Variants in SLF1 observed in about 807,000 individuals in gnomAD.
SLF1 encodes SMC5/6 complex localization factor 1, also known as SMC5-SMC6 complex localization factor protein 1.
A neutral mutation model predicts 123.0 loss-of-function variants in SLF1; 105 were observed. That is an observed-to-expected ratio of 0.85 (90% confidence interval 0.73 to 1.00). SLF1 has a LOEUF of 1.00. Ranked by LOEUF, SLF1 falls within the 50% of genes least tolerant of loss-of-function variation. SLF1 has a pLI of 0.00. For missense variants in SLF1, 1,239 were observed against 1,223.0 expected, an observed-to-expected ratio of 1.01 and a Z score of -0.20; for synonymous variants, 434 against 406.6, an observed-to-expected ratio of 1.07 and a Z score of -0.81.
intron 4 of SLF1, among the ~76,000 whole-genome samples, chr5:94,636,851 G>A (rs760958363): frequency 1.3e-5 from 2 of 151,364 alleles, no homozygotes; most frequent in Non-Finnish European, 2.9e-5. Flanking sequence ...CCAAGTAGCT[G>A]GGACTACAGG....
At chr5:94,686,469 A>C in intron 15 of SLF1, 104 bp from the exon 16 acceptor site, 1 of 1,232,188 alleles carries the variant, frequency 8.1e-7, no homozygotes, top group Non-Finnish European at 1.1e-6. Context: ...TTATAGGTGT[A>C]AGAGCTCTCA....
chr5:94,649,253 T>C (rs1229502472), intron 5 of SLF1, among the ~76,000 whole-genome samples: 1 of 152,200 alleles, frequency 6.6e-6, no homozygotes, highest in Non-Finnish European at 1.5e-5. Context: ...AGAAATCACT[T>C]TATTATTCAG....
intron 4 of SLF1, among the ~76,000 whole-genome samples, chr5:94,642,404 G>A (rs772967835): frequency 6.6e-6 from 1 of 152,100 alleles, no homozygotes; most frequent in African/African-American, 2.4e-5. Flanking sequence ...AGCTATACTT[G>A]CCCCTTAAAT....
intron 1 of SLF1, 58 bp from the exon 2 acceptor site, chr5:94,628,753 C>A: frequency 1.7e-6 from 2 of 1,149,122 alleles, no homozygotes; most frequent in Non-Finnish European, 2.4e-6. Context: ...AAAATAATGT[C>A]AACCCTGTGA....
intron 9 of SLF1, 110 bp from the exon 10 acceptor site, chr5:94,662,188 T>C (rs1749203743): frequency 2.5e-6 from 2 of 788,494 alleles, no homozygotes; most frequent in East Asian, 6.1e-5. Context: ...ATTATAGCTA[T>C]TAATGTGTTC....
chr5:94,678,506 A>T (rs1751365948), intron 14 of SLF1: 1 of 183,510 alleles, frequency 5.4e-6, no homozygotes, highest in African/African-American at 2.4e-5. Context: ...TTTTCTCATT[A>T]TTTTAATGGA....
intron 5 of SLF1, among the ~76,000 whole-genome samples, chr5:94,647,015 G>A (rs780027103): frequency 1.3e-5 from 2 of 152,074 alleles, no homozygotes; most frequent in Non-Finnish European, 2.9e-5. Flanking sequence ...GTAAAATGAG[G>A]GTAAGTAACT....
Position 94,695,289 on chromosome 5 carries a change from C to A in SLF1, c.3154C>A (p.Arg1052=). 3 of 1,609,696 alleles carry A rather than the reference C, an allele frequency of 1.9e-6. No homozygotes were observed. In the South Asian group the frequency reaches 3.3e-5, roughly 18 times the overall value. The change falls in exon 21 of 21, where the codon CGG becomes AGG. Residue 1052 remains arginine (R), a synonymous_variant. Transcript: ENST00000265140. The stretch of plus-strand genomic sequence containing the variant: ...GATGATAACATTGGAAATGATGTGT[C>A]GGTCAGTCATGGAGTTTTCATGATG... ...ALMITLEMMC[R]SVMEFS
At chr5:94,637,562 A>G (rs1745955771) in intron 4 of SLF1, among the ~76,000 whole-genome samples, 2 of 151,950 alleles carry the variant, frequency 1.3e-5, no homozygotes, top group African/African-American at 4.8e-5. Flanking sequence ...CTTAAGATGG[A>G]TGGGCCTAAC....
In SLF1 at chr5:94,678,927, A is replaced by G; in HGVS notation, c.1947A>G (p.Leu649=). The G allele has an allele frequency of 1.2e-6, 2 of 1,613,448 alleles. No individual in the cohort carries two copies. Among genetic ancestry groups the G allele is most frequent in the Non-Finnish European group, 1.7e-6 (2 of 1,179,678 alleles). The change falls in exon 15 of 21, where the codon TTA becomes TTG. Residue 649 remains leucine, a synonymous_variant. Transcript: ENST00000265140. ...RNVMRHMSDD[L]GSYVSLSCDD... is the part of the protein sequence containing the mutation. ...TGATGCGACACATGTCTGATGACTT[A>G]GGAAGTTATGTTTCTCTTTCGTGTG...
rs1340966097 is a variant in SLF1, at chr5:94,651,745, T to G, written c.782T>G (p.Leu261Trp). 1 of 1,528,154 alleles carries G rather than the reference T, an allele frequency of 6.5e-7. No individual in the cohort carries two copies. Among genetic ancestry groups the G allele is most frequent in the East Asian group, 2.5e-5 (1 of 39,766 alleles). The allele number at this position is 1,528,154 out of a possible 1,614,324, so 94.7% of individuals were successfully genotyped here. A position where few individuals can be genotyped will look rare whatever the true frequency, so the allele number is the denominator to read the frequency against. The change falls in exon 7 of 21, where the codon TTG (leucine) becomes TGG (tryptophan). Residue 261 changes from leucine to tryptophan, a missense_variant. Transcript: ENST00000265140. The stretch of plus-strand genomic sequence containing the variant: ...GAAGATGTTAATGTTGGTTCTATTT[T>G]GATTCAACATCACAAAAAAGAAAAA... The part of the protein sequence containing the change: ...NHEDVNVGSI[L>W]IQHHKKEKFS...
chr5:94,647,145 T>G (rs1306173633), intron 5 of SLF1, among the ~76,000 whole-genome samples: 1 of 152,214 alleles, frequency 6.6e-6, no homozygotes, highest in Non-Finnish European at 1.5e-5. Flanking sequence ...CTCCCCATTT[T>G]GAGTATTATT....
At chr5:94,627,975 G>A (rs868356851) in intron 1 of SLF1, among the ~76,000 whole-genome samples, 5 of 151,116 alleles carry the variant, frequency 3.3e-5, no homozygotes, top group African/African-American at 4.9e-5. Context: ...GATTACAGAC[G>A]TGCCGCCACG....
chr5:94,683,509 G>A (rs894753505), intron 15 of SLF1, among the ~76,000 whole-genome samples: 2 of 152,172 alleles, frequency 1.3e-5, no homozygotes, highest in Admixed American at 6.5e-5. Context: ...GAAAAACTAG[G>A]TGTTGAGATT....
chr5:94,671,345 G>A (rs1157467246), intron 14 of SLF1, among the ~76,000 whole-genome samples: 1 of 151,578 alleles, frequency 6.6e-6, no homozygotes, highest in Non-Finnish European at 1.5e-5. Context: ...TACAATTTTT[G>A]AGGGGTACTA....
At chr5:94,641,161 G>T (rs1746395944) in intron 4 of SLF1, among the ~76,000 whole-genome samples, 2 of 152,118 alleles carry the variant, frequency 1.3e-5, no homozygotes, top group African/African-American at 4.8e-5. Flanking sequence ...CTAGTGCTAT[G>T]GTGAATGTTG....
At chr5:94,688,022 C>CTATCTTTAGATATTAA (rs6149120) in intron 16 of SLF1, among the ~76,000 whole-genome samples, 1 of 131,292 alleles carries the variant, frequency 7.6e-6, no homozygotes, top group African/African-American at 2.7e-5. Context: ...ATATTAATAT[C>CTATCTTTAGATATTAA]TATCTTTAGA....
intron 1 of SLF1, among the ~76,000 whole-genome samples, chr5:94,628,389 G>A (rs898526729): frequency 2.0e-5 from 3 of 151,718 alleles, no homozygotes; most frequent in South Asian, 2.1e-4. Context: ...CGCCGGCCTC[G>A]GCCTCCCAAA....
intron 3 of SLF1, among the ~76,000 whole-genome samples, chr5:94,629,958 A>G (rs1442751872): frequency 6.6e-6 from 1 of 152,200 alleles, no homozygotes; most frequent in Non-Finnish European, 1.5e-5. Context: ...CAGCCTGGGC[A>G]ACGTAGCGAG....
Sources: gnomAD v4.1 joint callset for allele counts (sites outside exome capture counted in the v4.1 genomes callset) on GRCh38, gnomAD v4.1.1 for gene constraint, MANE v1.5 for transcripts, NCBI Gene and HGNC (gene_info 2026-07-23, HGNC 2026-07-21) for gene names.